The following BEND5 variants were observed in gnomAD, a reference collection of about 807,000 sequenced individuals.
BEND5 encodes the protein BEN domain containing 5.
BEND5 carries 22 observed loss-of-function variants against 43.9 expected under a neutral mutation model. The ratio of observed to expected loss-of-function variants is 0.50; its 90% CI spans 0.36 to 0.72. The LOEUF (loss-of-function observed/expected upper bound fraction) is 0.72. Among genes scored for constraint, BEND5 ranks in the 30% least tolerant of loss-of-function variants. BEND5 has a pLI of 0.00. For synonymous variants in BEND5, 228 were observed against 225.9 expected (o/e 1.01, Z -0.08); for missense variants, 428 against 550.6 (o/e 0.78, Z 2.23).
chr1:48,758,107 AG>A (rs1336260064), intron 3 of BEND5, among the ~76,000 whole-genome samples: 2 of 152,242 alleles, frequency 1.3e-5, no homozygotes, highest in African/African-American at 4.8e-5. Context: ...TAGTTAAAAT[AG>A]GGTGCAATAT....
chr1:48,733,335 C>A (rs1291667912), intron 5 of BEND5, among the ~76,000 whole-genome samples: 1 of 152,120 alleles, frequency 6.6e-6, no homozygotes, highest in Non-Finnish European at 1.5e-5. Context: ...GAATCACCAG[C>A]CCCAAATAAG....
intron 5 of BEND5, among the ~76,000 whole-genome samples, chr1:48,729,736 T>C (rs1171595542): frequency 2.6e-5 from 4 of 152,148 alleles, no homozygotes; most frequent in Admixed American, 6.5e-5. Flanking sequence ...GCACCTGCTA[T>C]AAGCATTCTT....
intron 5 of BEND5, among the ~76,000 whole-genome samples, chr1:48,735,657 TACCAGAAAGGA>T (rs1052371789): frequency 2.1e-4 from 32 of 152,156 alleles, no homozygotes; most frequent in African/African-American, 7.5e-4. Context: ...CTCTCCCATA[TACCAGAAAGGA>T]ACCAGAAAGG....
chr1:48,758,025 G>C (rs35739038), intron 3 of BEND5, among the ~76,000 whole-genome samples: 6 of 152,014 alleles, frequency 3.9e-5, no homozygotes, highest in African/African-American at 1.4e-4. Flanking sequence ...CATTTCTTCC[G>C]GCAGTCAAAG....
At chr1:48,735,112 C>A (rs1433164913) in intron 5 of BEND5, among the ~76,000 whole-genome samples, 1 of 152,216 alleles carries the variant, frequency 6.6e-6, no homozygotes, top group Non-Finnish European at 1.5e-5. Flanking sequence ...AGTTAACATA[C>A]ATAAAAGTGT....
intron 1 of BEND5, among the ~76,000 whole-genome samples, chr1:48,766,145 T>G (rs1406110279): frequency 3.3e-5 from 5 of 152,234 alleles, no homozygotes; most frequent in African/African-American, 1.2e-4. Context: ...ACATGTCAGA[T>G]ACCTCTATAA....
intron 5 of BEND5, among the ~76,000 whole-genome samples, chr1:48,733,574 A>C (rs954045425): frequency 6.6e-6 from 1 of 152,228 alleles, no homozygotes; most frequent in African/African-American, 2.4e-5. Context: ...TTGGCAGATG[A>C]TGCTGAGTTC....
chr1:48,753,960 G>A (rs1199502558), intron 3 of BEND5, among the ~76,000 whole-genome samples: 1 of 152,116 alleles, frequency 6.6e-6, no homozygotes, highest in African/African-American at 2.4e-5. Context: ...TATTTGCCTG[G>A]TGTCACACTG....
At chr1:48,776,346 C>A (rs1450811126) in intron 1 of BEND5, among the ~76,000 whole-genome samples, 3 of 152,178 alleles carry the variant, frequency 2.0e-5, no homozygotes, top group Non-Finnish European at 2.9e-5. Flanking sequence ...AGGACAGACA[C>A]AGATGAAGAG....
At chr1:48,772,449 G>A (rs1425279534) in intron 1 of BEND5, among the ~76,000 whole-genome samples, 4 of 152,248 alleles carry the variant, frequency 2.6e-5, no homozygotes, top group East Asian at 3.9e-4. Context: ...ATCAGACAAT[G>A]ATTAATCCAC....
intron 3 of BEND5, among the ~76,000 whole-genome samples, chr1:48,744,434 T>G (rs923030): frequency 6.6e-6 from 1 of 152,016 alleles, no homozygotes; most frequent in Non-Finnish European, 1.5e-5. Context: ...TAATTACTTA[T>G]ATTTCCCCTA....
At chr1:48,729,116 T>A (rs1209660024) in intron 5 of BEND5, among the ~76,000 whole-genome samples, 2 of 152,168 alleles carry the variant, frequency 1.3e-5, no homozygotes, top group South Asian at 4.1e-4. Flanking sequence ...CATTTTTTTT[T>A]AATGCTGCCA....
At chr1:48,733,790 C>G (rs540061789) in intron 5 of BEND5, among the ~76,000 whole-genome samples, 44 of 152,170 alleles carry the variant, frequency 2.9e-4, no homozygotes, top group African/African-American at 8.4e-4. Context: ...TTTGGTCAGG[C>G]GATCAGCTTG....
At chr1:48,774,719 G>A (rs1305569090) in intron 1 of BEND5, among the ~76,000 whole-genome samples, 2 of 152,144 alleles carry the variant, frequency 1.3e-5, no homozygotes, top group African/African-American at 4.8e-5. Flanking sequence ...GACTTGTGTC[G>A]ATTTCAAAAT....
chr1:48,728,482 CTTTT>C (rs11441549), intron 5 of BEND5, among the ~76,000 whole-genome samples: 1 of 137,126 alleles, frequency 7.3e-6, no homozygotes, highest in Admixed American at 7.1e-5. Context: ...TTCTGACTTG[CTTTT>C]TTTTTTTTTT....
chr1:48,729,017 G>A lies in BEND5; in HGVS notation c.1109-974C>T, dbSNP rs150084273. 4.4e-3 allele frequency among the ~76,000 whole-genome samples: 665 copies of A among 152,238 alleles called. 5 individuals carry two copies. Among genetic ancestry groups the A allele is most frequent in the African/African-American group, 0.015 (636 of 41,528 alleles). On this transcript the variant is annotated intron_variant, in intron 5 of 5. Transcript: ENST00000371833. ...TCCAGACAAGGTCTGGCTGGAGCCC[G>A]ACTTCAATTGACTGCCTAGCCTGGG... is the stretch of plus-strand genomic sequence containing the variant.
intron 1 of BEND5, among the ~76,000 whole-genome samples, chr1:48,773,676 G>A (rs966186814): frequency 6.6e-6 from 1 of 152,028 alleles, no homozygotes; most frequent in African/African-American, 2.4e-5. Context: ...TGGGAACATC[G>A]GCTACTTTAC....
rs568343552 is a variant in BEND5, at chr1:48,729,369, T to C, written c.1109-1326A>G. 2.0e-5 allele frequency among the ~76,000 whole-genome samples: 3 copies of C among 152,290 alleles called. No individual in the cohort carries two copies. In the South Asian group the frequency reaches 6.2e-4, roughly 32 times the overall value. On this transcript the variant is annotated intron_variant, in intron 5 of 5. Transcript: ENST00000371833. The stretch of plus-strand genomic sequence containing the variant: ...AGGACTAGGGCGTGGGTGGTGAATG[T>C]ACCACGGGAATGTGTAATAATGGGC...
intron 3 of BEND5, 46 bp downstream of exon 3, chr1:48,758,854 G>A: frequency 6.9e-7 from 1 of 1,439,348 alleles, no homozygotes; most frequent in Non-Finnish European, 9.2e-7. Flanking sequence ...TCTGCATGAA[G>A]TATTTCACCC....
Sources: gnomAD v4.1 joint callset for allele counts (sites outside exome capture counted in the v4.1 genomes callset) on GRCh38, gnomAD v4.1.1 for gene constraint, MANE v1.5 for transcripts, NCBI Gene and HGNC (gene_info 2026-07-23, HGNC 2026-07-21) for gene names.